Variants in CACNA1C observed in about 807,000 individuals in gnomAD.
CACNA1C encodes calcium voltage-gated channel subunit alpha1 C, also known as voltage-dependent L-type calcium channel subunit alpha-1C.
A neutral mutation model predicts 229.0 loss-of-function variants in CACNA1C; 30 were observed. That is an observed-to-expected ratio of 0.13 (90% confidence interval 0.10 to 0.18). CACNA1C has a LOEUF of 0.18. Among genes scored for constraint, CACNA1C ranks in the 10% least tolerant of loss-of-function variants. CACNA1C has a pLI of 1.00. For synonymous variants in CACNA1C, 1,114 were observed against 1,132.5 expected (o/e 0.98, Z 0.33); for missense variants, 1,658 against 2,845.0 (o/e 0.58, Z 9.49).
At chr12:2,530,229 A>T (rs1308565470) in intron 9 of CACNA1C, among the ~76,000 whole-genome samples, 4 of 152,166 alleles carry the variant, frequency 2.6e-5, no homozygotes, top group African/African-American at 9.7e-5. Context: ...ACCAAAAATT[A>T]TTTTCCATGC....
chr12:2,582,695 G>C (rs1296760961), intron 14 of CACNA1C, 127 bp from the exon 15 acceptor site: 1 of 950,072 alleles, frequency 1.1e-6, no homozygotes, highest in Non-Finnish European at 1.6e-6. Flanking sequence ...TGGGGGCCAG[G>C]AGGAGGGAAA....
intron 1 of CACNA1C, among the ~76,000 whole-genome samples, chr12:2,098,547 G>A (rs2075202638): frequency 6.6e-6 from 1 of 152,182 alleles, no homozygotes; most frequent in East Asian, 1.9e-4. Flanking sequence ...GAATTTCAGA[G>A]CCTTTTACTA....
chr12:1,996,489 G>A (rs2154476453), intron 1 of CACNA1C, among the ~76,000 whole-genome samples: 1 of 151,670 alleles, frequency 6.6e-6, no homozygotes, highest in South Asian at 2.1e-4. Context: ...ATATTCCTGA[G>A]GCCCAATTCA....
rs968955781 is a variant in CACNA1C, at chr12:2,691,713, C to G, written c.*514C>G. On this transcript the variant is annotated 3_prime_UTR_variant, in exon 47 of 47. Transcript: ENST00000399655. ...AGGAGGCCTCCAGGGGCGCGGAGCTCTGGGGATGGGCGTCGGGCCGGCAGT... is the reference window on the plus strand; with the variant it reads ...AGGAGGCCTCCAGGGGCGCGGAGCTGTGGGGATGGGCGTCGGGCCGGCAGT... 1 of 153,640 alleles carries G rather than the reference C, an allele frequency of 6.5e-6. No individual in the cohort carries two copies. The highest frequency in any genetic ancestry group is 2.4e-5 in the African/African-American group (1 of 41,500). 9.5% of individuals were successfully genotyped at this position (153,640 alleles called of 1,614,324 possible).
At chr12:2,023,418 C>G (rs896178743) in intron 1 of CACNA1C, among the ~76,000 whole-genome samples, 1 of 152,164 alleles carries the variant, frequency 6.6e-6, no homozygotes, top group Non-Finnish European at 1.5e-5. Context: ...TCCTCAGACA[C>G]TGTGTCTCCT....
intron 1 of CACNA1C, among the ~76,000 whole-genome samples, chr12:1,988,622 G>A (rs2038485235): frequency 6.6e-6 from 1 of 152,128 alleles, no homozygotes. Context: ...TTGGGTTTAT[G>A]TCTTTTTAAT....
chr12:2,125,469 G>GA (rs1358020210), intron 3 of CACNA1C, among the ~76,000 whole-genome samples: 1 of 152,126 alleles, frequency 6.6e-6, no homozygotes, highest in Admixed American at 6.5e-5. Flanking sequence ...TGAAGCTTGA[G>GA]AAATCCTCCA....
At position 2,512,295 on chromosome 12, in the gene CACNA1C, A is replaced by T. The variant is rs1325000054; in HGVS notation, c.1218-517A>T. ...GAAGCCAGAGTTGGGAAGAGACATG[A>T]ATGATTGGCTCTCAGGACCTGGGGC... On this transcript the variant is annotated intron_variant, in intron 8 of 46. Transcript: ENST00000399655. This position sits in a 1 kb window ranked among gnomAD's most constrained non-coding sequence, Gnocchi z 4.3. Among the ~76,000 whole-genome samples the T allele has an allele frequency of 6.6e-6, 1 of 152,036 alleles. No individual in the cohort carries two copies. Among genetic ancestry groups the T allele is most frequent in the Non-Finnish European group, 1.5e-5 (1 of 68,002 alleles).
intron 3 of CACNA1C, among the ~76,000 whole-genome samples, chr12:2,408,936 C>T (rs1019640696): frequency 6.6e-5 from 10 of 152,196 alleles, no homozygotes; most frequent in Admixed American, 2.6e-4. Flanking sequence ...TGCCATCCTC[C>T]GTGACATCCC....
chr12:2,412,729 T>C (rs1386450249), intron 3 of CACNA1C, among the ~76,000 whole-genome samples: 1 of 152,206 alleles, frequency 6.6e-6, no homozygotes, highest in Non-Finnish European at 1.5e-5. Context: ...GCCTATACAA[T>C]GGATTTGCTG....
At chr12:2,042,231 T>C (rs201000411) in intron 1 of CACNA1C, among the ~76,000 whole-genome samples, 61 of 152,288 alleles carry the variant, frequency 4.0e-4, no homozygotes, top group East Asian at 3.5e-3. Flanking sequence ...TTTACCCTAA[T>C]ACGATATATT....
At chr12:2,571,271 C>A (rs998763527) in intron 13 of CACNA1C, among the ~76,000 whole-genome samples, 13 of 152,214 alleles carry the variant, frequency 8.5e-5, no homozygotes, top group African/African-American at 2.9e-4. Context: ...CACTGCCATG[C>A]ACTGCAGAGC....
At chr12:2,014,275 T>C (rs74605041) in intron 1 of CACNA1C, among the ~76,000 whole-genome samples, 2 of 26,126 alleles carry the variant, frequency 7.7e-5, no homozygotes, top group East Asian at 5.0e-3. Context: ...AATAGGCATC[T>C]TTTTTTTTTT....
intron 34 of CACNA1C, among the ~76,000 whole-genome samples, chr12:2,655,520 C>T (rs912790793): frequency 1.3e-5 from 2 of 152,254 alleles, no homozygotes; most frequent in Non-Finnish European, 2.9e-5. Context: ...GGAATCTGAA[C>T]AGGCCCAAAG....
At chr12:2,295,669 A>T (rs1205758778) in intron 3 of CACNA1C, among the ~76,000 whole-genome samples, 1 of 152,238 alleles carries the variant, frequency 6.6e-6, no homozygotes, top group Non-Finnish European at 1.5e-5. Context: ...TATTCATTGC[A>T]ATGGGTTGGT....
At chr12:2,539,834 T>TAAAG (rs1230012630) in intron 9 of CACNA1C, among the ~76,000 whole-genome samples, 2 of 114,548 alleles carry the variant, frequency 1.7e-5, no homozygotes, top group African/African-American at 7.5e-5. Flanking sequence ...GAGGGCTTCA[T>TAAAG]AAAGATGCAG....
At chr12:2,559,984 A>G (rs1211943015) in intron 11 of CACNA1C, among the ~76,000 whole-genome samples, 1 of 152,240 alleles carries the variant, frequency 6.6e-6, no homozygotes, top group Non-Finnish European at 1.5e-5. Flanking sequence ...TATTAATGAC[A>G]TATTTTGCAT....
At chr12:2,642,331 C>CTGTT (rs1229147586) in intron 30 of CACNA1C, among the ~76,000 whole-genome samples, 2 of 152,168 alleles carry the variant, frequency 1.3e-5, no homozygotes, top group African/African-American at 4.8e-5. Flanking sequence ...CCCTTCCCCT[C>CTGTT]CGTGTAAGGG....
chr12:2,401,415 T>G (rs1442809887), intron 3 of CACNA1C, among the ~76,000 whole-genome samples: 1 of 152,230 alleles, frequency 6.6e-6, no homozygotes, highest in Non-Finnish European at 1.5e-5. Context: ...AAAGGACACA[T>G]TTCCACGACC....
Sources: allele counts gnomAD v4.1 joint callset (sites outside exome capture counted in the v4.1 genomes callset), GRCh38; gene constraint gnomAD v4.1.1; non-coding constraint Gnocchi (gnomAD v3.1); transcripts MANE v1.5; gene names NCBI Gene and HGNC (gene_info 2026-07-23, HGNC 2026-07-21).